TMEM14C: variants seen among roughly 807,000 people sequenced by gnomAD.
TMEM14C encodes the protein transmembrane protein 14C, also known as chromosome 6 open reading frame 53.
Under a neutral mutation model 14.8 loss-of-function variants are expected in TMEM14C, and 13 were observed. The ratio of observed to expected loss-of-function variants is 0.88; its 90% CI spans 0.57 to 1.40. TMEM14C has a LOEUF of 1.40. TMEM14C is among the 40% of genes most tolerant of loss of function. TMEM14C has a pLI of 0.00. For missense variants in TMEM14C, 142 were observed against 138.8 expected (o/e 1.02, Z -0.12); for synonymous variants, 57 against 51.3 (o/e 1.11, Z -0.48).
intron 4 of TMEM14C, among the ~76,000 whole-genome samples, chr6:10,726,216 G>A (rs951552675): frequency 6.6e-6 from 1 of 152,154 alleles, no homozygotes; most frequent in African/African-American, 2.4e-5. Flanking sequence ...TACAGAACAT[G>A]GAAGGATTTT....
At chr6:10,727,335 C>G (rs1335445862) in intron 4 of TMEM14C, among the ~76,000 whole-genome samples, 1 of 151,970 alleles carries the variant, frequency 6.6e-6, no homozygotes, top group East Asian at 1.9e-4. Context: ...TGTCTCCTTC[C>G]CCTTCATAAA....
intron 4 of TMEM14C, among the ~76,000 whole-genome samples, chr6:10,728,031 A>G (rs546503356): frequency 6.6e-6 from 1 of 152,178 alleles, no homozygotes; most frequent in Non-Finnish European, 1.5e-5. Context: ...CTGTCACCAC[A>G]GGGCCTCTGC....
chr6:10,728,190 C>T (rs1167672267), intron 4 of TMEM14C, among the ~76,000 whole-genome samples: 1 of 152,196 alleles, frequency 6.6e-6, no homozygotes, highest in Non-Finnish European at 1.5e-5. Context: ...AGACCTGAAG[C>T]ACTGTAAAAG....
At position 10,726,353 on chromosome 6, in the gene TMEM14C, T is replaced by C. The variant is rs113597298; in HGVS notation, c.199+345T>C. Reference sequence around the variant, plus strand: ...TAAACTATCACACGTCTGGGTTAGGTTTGCATCTGAATTGCGATTTCCCCA... The same window carrying C: ...TAAACTATCACACGTCTGGGTTAGGCTTGCATCTGAATTGCGATTTCCCCA... On this transcript the variant is annotated intron_variant, in intron 4 of 5. Transcript: ENST00000229563. Among the ~76,000 whole-genome samples, 594 of 152,278 alleles carry C rather than the reference T, an allele frequency of 3.9e-3. 6 individuals carry two copies. Among genetic ancestry groups the C allele is most frequent in the African/African-American group, 0.014 (569 of 41,552 alleles).
chr6:10,724,160 C>T (rs2127487241), intron 1 of TMEM14C, among the ~76,000 whole-genome samples: 1 of 152,292 alleles, frequency 6.6e-6, no homozygotes, highest in South Asian at 2.1e-4. Flanking sequence ...AAGCAACACC[C>T]CTACCTCCCC....
At chr6:10,727,101 C>T (rs1364878009) in intron 4 of TMEM14C, among the ~76,000 whole-genome samples, 1 of 152,116 alleles carries the variant, frequency 6.6e-6, no homozygotes, top group African/African-American at 2.4e-5. Context: ...GACCTCACGC[C>T]TATTGTAGGG....
chr6:10,728,641 T>C lies in TMEM14C; in HGVS notation c.201T>C (p.Ala67=). 6.2e-7 allele frequency: 1 copy of C among 1,614,060 alleles called. No individual in the cohort carries two copies. Among genetic ancestry groups the C allele is most frequent in the Non-Finnish European group, 8.5e-7 (1 of 1,179,998 alleles). Residue 67 remains alanine (A), a splice_region_variant and synonymous_variant, in exon 5 of 6, where the codon GCT becomes GCC. Coordinates refer to ENST00000229563, the MANE Select transcript of TMEM14C (RefSeq NM_016462.4). ...QDPRNVWVFL[A]TSGTLAGIMG... ...ACTTCTTTATATGTTTTTCATCAGC[T>C]ACATCTGGTACCTTGGCTGGCATTA...
At chr6:10,724,026 A>T (rs1397417374) in intron 1 of TMEM14C, among the ~76,000 whole-genome samples, 1 of 152,202 alleles carries the variant, frequency 6.6e-6, no homozygotes, top group Admixed American at 6.5e-5. Context: ...ACATGTGAAT[A>T]TGACCACTGT....
chr6:10,723,456 CAT>C (rs1770750935), intron 1 of TMEM14C, among the ~76,000 whole-genome samples: 1 of 152,140 alleles, frequency 6.6e-6, no homozygotes, highest in Non-Finnish European at 1.5e-5. Flanking sequence ...ACCCATGTAG[CAT>C]AGTGTTGCCT....
At chr6:10,727,839 T>C (rs1053382624) in intron 4 of TMEM14C, among the ~76,000 whole-genome samples, 1 of 151,298 alleles carries the variant, frequency 6.6e-6, no homozygotes, top group Non-Finnish European at 1.5e-5. Flanking sequence ...AAAAAAAAAA[T>C]GTGACTCTGT....
intron 4 of TMEM14C, among the ~76,000 whole-genome samples, chr6:10,727,479 C>G (rs549408213): frequency 6.6e-5 from 10 of 151,970 alleles, no homozygotes; most frequent in African/African-American, 2.2e-4. Flanking sequence ...AGCTGGGATT[C>G]AGGCGTCCAC....
chr6:10,724,705 G>A, intron 2 of TMEM14C, 72 bp downstream of exon 2: 4 of 1,490,158 alleles, frequency 2.7e-6, no homozygotes, highest in African/African-American at 1.4e-5. Flanking sequence ...TAGCTGAAAA[G>A]AACCTTAAGA....
At chr6:10,725,801 G>T in intron 3 of TMEM14C, 106 bp from the exon 4 acceptor site, 1 of 1,389,782 alleles carries the variant, frequency 7.2e-7, no homozygotes, top group Non-Finnish European at 1.0e-6. Context: ...GAGCTGTGTT[G>T]AGAGTTCTCT....
chr6:10,730,296 G>T (rs772551282), intron 5 of TMEM14C, among the ~76,000 whole-genome samples: 9 of 152,174 alleles, frequency 5.9e-5, no homozygotes, highest in Non-Finnish European at 1.3e-4. Context: ...GTCTAGAGCA[G>T]TAAACTGAGA....
At chr6:10,727,958 C>A (rs1005115080) in intron 4 of TMEM14C, among the ~76,000 whole-genome samples, 1 of 152,224 alleles carries the variant, frequency 6.6e-6, no homozygotes, top group Non-Finnish European at 1.5e-5. Flanking sequence ...GCACCTCTTA[C>A]TCACAAACTG....
rs1450948168 is a variant in TMEM14C, at chr6:10,725,032, A to C, written c.92A>C (p.Lys31Thr). Reference protein sequence around the residue: ...VASGGIIGYVKAGSVPSLAAG... With the variant: ...VASGGIIGYVTAGSVPSLAAG... ...TCTGGTGGGATCATTGGCTATGTAA[A>C]AGCAGGTAGGGTTTTGTTGTTACTT... The change falls in exon 3 of 6, where the codon AAA (lysine) becomes ACA (threonine). Residue 31 changes from lysine to threonine, a missense_variant. By Grantham distance (78) the Lys-to-Thr change is moderately conservative (BLOSUM62 -1). Transcript: ENST00000229563. The C allele has an allele frequency of 1.2e-6, 2 of 1,614,112 alleles. No homozygotes were observed. Among genetic ancestry groups the C allele is most frequent in the Admixed American group, 3.3e-5 (2 of 60,010 alleles).
intron 4 of TMEM14C, among the ~76,000 whole-genome samples, chr6:10,728,322 C>T (rs1201208734): frequency 6.8e-6 from 1 of 147,336 alleles, no homozygotes; most frequent in Non-Finnish European, 1.5e-5. Flanking sequence ...GTAGCGTCTG[C>T]AGGGCGTGAG....
At chr6:10,725,722 G>C (rs1182723917) in intron 3 of TMEM14C, among the ~76,000 whole-genome samples, 185 bp from the exon 4 acceptor site, 1 of 152,100 alleles carries the variant, frequency 6.6e-6, no homozygotes, top group African/African-American at 2.4e-5. Flanking sequence ...GGGGTGGGAA[G>C]ACCCTGACTT....
At position 10,724,948 on chromosome 6, in the gene TMEM14C, C is replaced by G. The variant is rs777972618; in HGVS notation, c.21-13C>G. 2.2e-5 allele frequency: 35 copies of G among 1,614,106 alleles called. No homozygotes were observed. The East Asian group carries it at 7.3e-4, about 34-fold the overall frequency. ...GCCAGGTTAGCACTGACTTCTCCCT[C>G]TTGTGTTTTCAGAGTGCCTTTGCAT... On this transcript the variant is annotated splice_polypyrimidine_tract_variant and intron_variant, in intron 2 of 5. Coordinates refer to ENST00000229563, the MANE Select transcript of TMEM14C (RefSeq NM_016462.4).
Sources: allele counts gnomAD v4.1 joint callset (sites outside exome capture counted in the v4.1 genomes callset), GRCh38; gene constraint gnomAD v4.1.1; transcripts MANE v1.5; gene names NCBI Gene and HGNC (gene_info 2026-07-23, HGNC 2026-07-21).